The following MGST1 variants were observed in gnomAD, a reference collection of about 807,000 sequenced individuals.
MGST1 encodes the protein microsomal glutathione S-transferase 1.
Under a neutral mutation model 8.9 loss-of-function variants are expected in MGST1, and 5 were observed. The observed-to-expected ratio is 0.56, with a 90% CI of 0.29 to 1.19. The LOEUF (loss-of-function observed/expected upper bound fraction) is 1.19, where lower values mean the gene tolerates loss of function less well. Ranked by LOEUF, MGST1 falls within the 50% of genes most tolerant of loss-of-function variation. MGST1 has a pLI of 0.08. For missense variants in MGST1, 182 were observed against 187.4 expected, an observed-to-expected ratio of 0.97 and a Z score of 0.17; for synonymous variants, 54 against 67.8, an observed-to-expected ratio of 0.80 and a Z score of 1.00.
rs189702862 is a variant in MGST1 at position 16,569,222 on chromosome 12, A to G, written n.483-20306A>G. ...ATGTCTACACACAAAACCTTACACA[A>G]TTATTTAGTGTCAGAGCTAGCAAGA... On this transcript the variant is annotated intron_variant and non_coding_transcript_variant, in intron 4 of 4. Coordinates refer to the MGST1 transcript ENST00000538857. Among the ~76,000 whole-genome samples the G allele has an allele frequency of 1.4e-3, 210 of 152,342 alleles. 1 individual carries two copies. Among genetic ancestry groups the G allele is most frequent in the African/African-American group, 4.7e-3 (196 of 41,588 alleles).
chr12:16,574,871 A>G (rs766382010), intron 4 of MGST1, among the ~76,000 whole-genome samples: 9 of 152,176 alleles, frequency 5.9e-5, no homozygotes, highest in Non-Finnish European at 8.8e-5. Context: ...CTAAGATCTC[A>G]TAGTCATTAA....
chr12:16,380,593 A>G (rs139102074), downstream of MGST1, among the ~76,000 whole-genome samples: 362 of 152,144 alleles, frequency 2.4e-3, 3 homozygotes, highest in African/African-American at 8.1e-3. Flanking sequence ...TAGGTGTGGT[A>G]TGGTGCTGAA....
chr12:16,463,654 G>GA (rs1829626591), intron 4 of MGST1, among the ~76,000 whole-genome samples: 1 of 151,294 alleles, frequency 6.6e-6, no homozygotes, highest in African/African-American at 2.4e-5. Flanking sequence ...TTTTTAAGCA[G>GA]AAAAAATATT....
At chr12:16,575,502 A>G (rs1253367497) in intron 4 of MGST1, among the ~76,000 whole-genome samples, 1 of 152,122 alleles carries the variant, frequency 6.6e-6, no homozygotes, top group Non-Finnish European at 1.5e-5. Context: ...ATGTTTATTG[A>G]GCCCTGTCTC....
intron 1 of MGST1, among the ~76,000 whole-genome samples, chr12:16,385,485 G>T (rs1940496718): frequency 6.6e-6 from 1 of 152,120 alleles, no homozygotes. Context: ...AAAATCAGTG[G>T]TTATATGCTT....
At chr12:16,376,057 TGTTCAC>T (rs1392767447) in intron 3 of MGST1, 3 of 1,083,314 alleles carry the variant, frequency 2.8e-6, no homozygotes, top group African/African-American at 3.3e-5. Flanking sequence ...GTATTTTATG[TGTTCAC>T]GTGTGTGTAT....
chr12:16,515,974 A>C (rs1941611473), intron 4 of MGST1, among the ~76,000 whole-genome samples: 1 of 152,186 alleles, frequency 6.6e-6, no homozygotes, highest in African/African-American at 2.4e-5. Flanking sequence ...ATGTAGACTT[A>C]TTGCAGCCTA....
downstream of MGST1, chr12:16,377,209 A>G (rs1940395120): frequency 6.6e-6 from 1 of 151,758 alleles, no homozygotes; most frequent in South Asian, 2.1e-4. Flanking sequence ...GGTTTGTTAC[A>G]TATGTATACA....
At position 16,401,085 on chromosome 12, in the gene MGST1, C is replaced by T; in HGVS notation, n.778+17481C>T. 1 of 1,593,188 alleles carries T rather than the reference C, an allele frequency of 6.3e-7. No individual in the cohort carries two copies. The highest frequency in any genetic ancestry group is 8.6e-7 in the Non-Finnish European group (1 of 1,161,620). ...AACCTCTTCCCAAAAGGTCCTCTGCCTCATCTTTCTCCTCCTCCTCCTTTT... is the reference window on the plus strand; with the variant it reads ...AACCTCTTCCCAAAAGGTCCTCTGCTTCATCTTTCTCCTCCTCCTCCTTTT... On this transcript the variant is annotated intron_variant and non_coding_transcript_variant, in intron 1 of 1. Transcript: ENST00000359720. This position sits in a 1 kb window ranked among gnomAD's most constrained non-coding sequence, Gnocchi z 4.3.
At chr12:16,443,549 T>G (rs1941054920), downstream of MGST1, among the ~76,000 whole-genome samples, 1 of 151,852 alleles carries the variant, frequency 6.6e-6, no homozygotes, top group Non-Finnish European at 1.5e-5. Flanking sequence ...AATTCTTAAC[T>G]TATTACAGTA....
intron 1 of MGST1, among the ~76,000 whole-genome samples, chr12:16,384,924 G>A (rs562774749): frequency 1.3e-5 from 2 of 152,342 alleles, no homozygotes; most frequent in South Asian, 4.1e-4. Flanking sequence ...CCTGTAGTGA[G>A]GGATAACTCT....
chr12:16,540,034 A>G (rs895532886), intron 4 of MGST1, among the ~76,000 whole-genome samples: 2 of 152,166 alleles, frequency 1.3e-5, no homozygotes, highest in African/African-American at 4.8e-5. Context: ...TTTACTGCTC[A>G]AGACTCAGCT....
chr12:16,465,993 C>T (rs1372140733), intron 4 of MGST1, among the ~76,000 whole-genome samples: 2 of 152,106 alleles, frequency 1.3e-5, no homozygotes, highest in African/African-American at 2.4e-5. Context: ...TAGCTAATAA[C>T]TCTTATTTTT....
At chr12:16,590,006 T>A (rs1398543713), downstream of MGST1, among the ~76,000 whole-genome samples, 1 of 152,040 alleles carries the variant, frequency 6.6e-6, no homozygotes, top group Non-Finnish European at 1.5e-5. Context: ...TGTACCTCCT[T>A]ATAAGATTCA....
intron 3 of MGST1, among the ~76,000 whole-genome samples, chr12:16,375,440 A>T (rs975212497): frequency 6.6e-6 from 1 of 152,182 alleles, no homozygotes; most frequent in Admixed American, 6.5e-5. Flanking sequence ...TGATGGCATA[A>T]CCTTCCACAA....
downstream of MGST1, among the ~76,000 whole-genome samples, chr12:16,590,060 T>A (rs1029190746): frequency 1.3e-5 from 2 of 152,128 alleles, no homozygotes; most frequent in East Asian, 3.9e-4. Flanking sequence ...CATGAAGATA[T>A]CCCAGCCCAT....
intron 1 of MGST1, among the ~76,000 whole-genome samples, chr12:16,353,686 T>A (rs188229065): frequency 6.6e-6 from 1 of 152,252 alleles, no homozygotes; most frequent in East Asian, 1.9e-4. Flanking sequence ...GCACCCTTTT[T>A]TTTCAAGTAG....
At chr12:16,490,015 C>A (rs1368792847) in intron 4 of MGST1, among the ~76,000 whole-genome samples, 18 of 152,088 alleles carry the variant, frequency 1.2e-4, no homozygotes. Context: ...ATAATCCCAG[C>A]ACTTTGGAGG....
intron 2 of MGST1, among the ~76,000 whole-genome samples, chr12:16,356,137 C>T (rs553369223): frequency 6.6e-6 from 1 of 152,234 alleles, no homozygotes; most frequent in East Asian, 1.9e-4. Flanking sequence ...GCCTCATATC[C>T]CAGATACTAT....
Sources: gnomAD v4.1 joint callset for allele counts (sites outside exome capture counted in the v4.1 genomes callset) on GRCh38, gnomAD v4.1.1 for gene constraint, Gnocchi (gnomAD v3.1) non-coding constraint, MANE v1.5 for transcripts, NCBI Gene and HGNC (gene_info 2026-07-23, HGNC 2026-07-21) for gene names.